The following MSI2 variants were observed in gnomAD, a reference collection of about 807,000 sequenced individuals.
The protein encoded by MSI2 is musashi RNA binding protein 2.
MSI2 carries 17 observed loss-of-function variants against 45.6 expected under a neutral mutation model. The ratio of observed to expected loss-of-function variants is 0.37; its 90% CI spans 0.26 to 0.56. The LOEUF (loss-of-function observed/expected upper bound fraction) is 0.56. Ranked by LOEUF, MSI2 falls within the 20% of genes least tolerant of loss-of-function variation. MSI2 has a pLI of 0.77. For synonymous variants in MSI2, 156 were observed against 158.2 expected, an observed-to-expected ratio of 0.99 and a Z score of 0.11; for missense variants, 293 against 444.2, an observed-to-expected ratio of 0.66 and a Z score of 3.06.
chr17:57,410,442 T>G (rs2084174022), intron 6 of MSI2, among the ~76,000 whole-genome samples: 1 of 152,060 alleles, frequency 6.6e-6, no homozygotes. Context: ...TGAAGGCAGG[T>G]CAGACAGACC....
At chr17:57,632,149 G>A in intron 10 of MSI2, 1 of 1,198,942 alleles carries the variant, frequency 8.3e-7, no homozygotes, top group African/African-American at 1.5e-5. Flanking sequence ...CTCAGGGGAA[G>A]CTAGGAAGAA....
intron 5 of MSI2, among the ~76,000 whole-genome samples, chr17:57,347,435 A>C (rs748807937): frequency 6.6e-6 from 1 of 152,164 alleles, no homozygotes; most frequent in South Asian, 2.1e-4. Context: ...GAAAAGAAAC[A>C]CATCTACCCA....
chr17:57,388,734 A>T (rs2083728826), intron 5 of MSI2, among the ~76,000 whole-genome samples: 2 of 151,842 alleles, frequency 1.3e-5, no homozygotes, highest in Non-Finnish European at 2.9e-5. Context: ...GCTCACTGCA[A>T]CCTCTGCCTC....
chr17:57,697,713 A>C, the MSI2 span, among the ~76,000 whole-genome samples: 5 of 152,294 alleles, frequency 3.3e-5, no homozygotes, highest in South Asian at 1.0e-3. Flanking sequence ...CTGACAAGGG[A>C]GAATGAGAGC....
At chr17:57,468,520 C>CA (rs56105862) in intron 6 of MSI2, among the ~76,000 whole-genome samples, 48,742 of 104,032 alleles carry the variant, frequency 0.47, 10,422 homozygotes, top group Non-Finnish European at 0.53. Context: ...GACTCTATCT[C>CA]AAAAAAAAAA....
intron 7 of MSI2, among the ~76,000 whole-genome samples, chr17:57,548,599 C>T (rs2087225157): frequency 6.7e-6 from 1 of 149,502 alleles, no homozygotes; most frequent in Non-Finnish European, 1.5e-5. Context: ...AGGGACAGCT[C>T]GGGCCAGTGG....
intron 4 of MSI2, chr17:57,260,131 CCTA>C (rs1410606814): frequency 6.6e-6 from 1 of 152,122 alleles, no homozygotes; most frequent in Non-Finnish European, 1.5e-5. Flanking sequence ...TAGAGCTGTA[CCTA>C]ACTAACTAAT....
intron 6 of MSI2, among the ~76,000 whole-genome samples, chr17:57,459,224 G>C (rs16958441): frequency 0.057 from 8,716 of 152,180 alleles, 561 homozygotes; most frequent in African/African-American, 0.16. Flanking sequence ...GACTACCTTT[G>C]TGTTAAACTT....
intron 5 of MSI2, among the ~76,000 whole-genome samples, chr17:57,392,783 C>T (rs1477292455): frequency 3.9e-5 from 6 of 152,050 alleles, no homozygotes; most frequent in Non-Finnish European, 8.8e-5. Context: ...GAATGGTGGG[C>T]AGGCACACTT....
At chr17:57,331,651 T>G (rs1000282522) in intron 5 of MSI2, among the ~76,000 whole-genome samples, 1 of 152,232 alleles carries the variant, frequency 6.6e-6, no homozygotes, top group East Asian at 1.9e-4. Flanking sequence ...GCATTTCATG[T>G]GACCGGCATG....
intron 7 of MSI2, among the ~76,000 whole-genome samples, chr17:57,574,004 CA>C (rs1283495629): frequency 1.3e-5 from 2 of 152,098 alleles, no homozygotes; most frequent in Non-Finnish European, 2.9e-5. Flanking sequence ...AAGGAAAAGC[CA>C]GGCGGGGAAA....
chr17:57,631,988 T>C (rs1352846174), intron 10 of MSI2: 1 of 1,431,022 alleles, frequency 7.0e-7, no homozygotes, highest in East Asian at 2.6e-5. Context: ...TTTTAATTCT[T>C]GGACTCATGT....
intron 5 of MSI2, among the ~76,000 whole-genome samples, chr17:57,282,394 C>T (rs1193803398): frequency 6.6e-6 from 1 of 152,156 alleles, no homozygotes; most frequent in African/African-American, 2.4e-5. Context: ...AAGGCACAGG[C>T]CTGAAGAATT....
At chr17:57,660,152 C>T (rs943073351) in intron 11 of MSI2, among the ~76,000 whole-genome samples, 1 of 152,174 alleles carries the variant, frequency 6.6e-6, no homozygotes, top group African/African-American at 2.4e-5. Context: ...CTCTTAGCTT[C>T]GCCCTCCTTC....
chr17:57,550,512 G>T (rs1183120042), intron 7 of MSI2, among the ~76,000 whole-genome samples: 7 of 152,152 alleles, frequency 4.6e-5, no homozygotes, highest in Non-Finnish European at 8.8e-5. Flanking sequence ...TGGATTTGGG[G>T]GGGTCACAGG....
rs140497738 is a variant in MSI2, at chr17:57,370,350, G to A, written c.313-31029G>A. Among the ~76,000 whole-genome samples, 966 of 152,320 alleles carry A rather than the reference G, an allele frequency of 6.3e-3. 2 individuals carry two copies. Among genetic ancestry groups the A allele is most frequent in the Non-Finnish European group, 9.3e-3 (635 of 68,032 alleles). ...GTGAATCAGCAAAGAGTAGGATTAC[G>A]TATATCTTTCCAAATAGAAGAAATG... On this transcript the variant is annotated intron_variant, in intron 5 of 13. Transcript: ENST00000284073.
At chr17:57,537,550 T>A (rs767705449) in intron 7 of MSI2, among the ~76,000 whole-genome samples, 1 of 152,166 alleles carries the variant, frequency 6.6e-6, no homozygotes, top group African/African-American at 2.4e-5. Context: ...TTTGAAAACA[T>A]GTAGAGGAGG....
At position 57,652,295 on chromosome 17, in the gene MSI2, G is replaced by A. The variant is rs1006356869; in HGVS notation, c.790+134G>A. On this transcript the variant is annotated intron_variant, in intron 11 of 13. Coordinates refer to ENST00000284073, the MANE Select transcript of MSI2 (RefSeq NM_138962.4). The surrounding 1 kb of genome is among the most constrained non-coding windows in gnomAD (Gnocchi z 4.1). ...CCACAGCCCCGGGGAGGGGGTGGAC[G>A]GGGAGGGGGTGGACCGGGAGGCGCG... 27 of 945,682 alleles carry A rather than the reference G, an allele frequency of 2.9e-5. No homozygotes were observed. Among genetic ancestry groups the A allele is most frequent in the East Asian group, 1.6e-4 (6 of 38,110 alleles). The allele number at this position is 945,682 out of a possible 1,614,324, so 58.6% of individuals were successfully genotyped here. A position where few individuals can be genotyped will look rare whatever the true frequency, so the allele number is the denominator to read the frequency against.
chr17:57,374,784 T>A (rs564349403), intron 5 of MSI2, among the ~76,000 whole-genome samples: 14 of 152,054 alleles, frequency 9.2e-5, no homozygotes, highest in Non-Finnish European at 2.1e-4. Context: ...ATCTCATAAA[T>A]AAAAATAAAT....
Sources: allele counts gnomAD v4.1 joint callset (sites outside exome capture counted in the v4.1 genomes callset), GRCh38; gene constraint gnomAD v4.1.1; non-coding constraint Gnocchi (gnomAD v3.1); transcripts MANE v1.5; gene names NCBI Gene and HGNC (gene_info 2026-07-23, HGNC 2026-07-21).